UBR4: variants seen among roughly 807,000 people sequenced by gnomAD.
UBR4 encodes the protein E3 ubiquitin-protein ligase UBR4.
Under a neutral mutation model 575.6 loss-of-function variants are expected in UBR4, and 124 were observed. That is an observed-to-expected ratio of 0.22 (90% CI 0.19 to 0.25). The LOEUF is 0.25. Among genes scored for constraint, UBR4 ranks in the 10% least tolerant of loss-of-function variants. The pLI is 1.00. For missense variants in UBR4, 4,818 were observed against 6,478.8 expected, an observed-to-expected ratio of 0.74 and a Z score of 8.80; for synonymous variants, 2,455 against 2,473.7, an observed-to-expected ratio of 0.99 and a Z score of 0.22.
At chr1:19,151,082 A>C in intron 48 of UBR4, 2 of 458,866 alleles carry the variant, frequency 4.4e-6, no homozygotes, top group East Asian at 4.0e-5. Flanking sequence ...CCTACCCCTC[A>C]CTCCCAGGGG....
In UBR4 at chr1:19,198,001, T is replaced by C. The variant is rs2092560243; in HGVS notation, c.697A>G (p.Ile233Val). Residue 233 changes from isoleucine (I) to valine (V), a missense_variant, in exon 6 of 106, where the codon ATC (isoleucine) becomes GTC (valine). This residue lies in a region of UBR4 where 83 missense variants were observed against 77.3 expected (regional missense o/e 1.07). Coordinates refer to ENST00000375254, the MANE Select transcript of UBR4 (RefSeq NM_020765.3). ...GCTATGAACACATTCTTGGTTTTGA[T>C]AGCTGAGGCTTGATCTGTAGATGAC... ...EQSSTDQASA[I>V]KTKNVFIAQN... 1.9e-6 allele frequency: 3 copies of C among 1,614,176 alleles called. No individual in the cohort carries two copies. The highest frequency in any genetic ancestry group is 1.3e-5 in the African/African-American group (1 of 75,046).
Position 19,093,215 on chromosome 1 carries a change from G to C in UBR4, c.14111+98C>G. On this transcript the variant is annotated intron_variant, in intron 96 of 105. Transcript: ENST00000375254. The surrounding 1 kb of genome is among the most constrained non-coding windows in gnomAD (Gnocchi z 4.8). Reference sequence around the variant, plus strand: ...GGTTGGGAGGCCCCAAGGAGGGCAAGGGGCACACGTGAAGCTTTATGCCAA... The same window carrying C: ...GGTTGGGAGGCCCCAAGGAGGGCAACGGGCACACGTGAAGCTTTATGCCAA... 1 of 1,468,138 alleles carries C rather than the reference G, an allele frequency of 6.8e-7. No homozygotes were observed. The highest frequency in any genetic ancestry group is 1.3e-5 in the South Asian group (1 of 76,046). 90.9% of individuals were successfully genotyped at this position (1,468,138 alleles called of 1,614,324 possible).
Position 19,138,155 on chromosome 1 carries a change from C to T in UBR4, c.8758G>A (p.Asp2920Asn). 3 of 1,573,486 alleles carry T rather than the reference C, an allele frequency of 1.9e-6. No individual in the cohort carries two copies. The highest frequency in any genetic ancestry group is 2.6e-6 in the Non-Finnish European group (3 of 1,155,582). The change falls in exon 60 of 106, where the codon GAT (aspartate) becomes AAT (asparagine). Residue 2920 changes from aspartate to asparagine, a missense_variant. Transcript: ENST00000375254. ...GCCGGATGCCCCTCAGCTGTAGCAT[C>T]GCCATAAGCACTGCTCCGGCCAGAT... ...SVSGRSSAYG[D>N]ATAEGHPAGP...
At chr1:19,166,552 C>A (rs773947351) in intron 29 of UBR4, among the ~76,000 whole-genome samples, 3 of 151,862 alleles carry the variant, frequency 2.0e-5, no homozygotes, top group Non-Finnish European at 2.9e-5. Flanking sequence ...AGAATGCACA[C>A]AAGTACAGAA....
chr1:19,085,794 G>A (rs1309091333), intron 101 of UBR4, among the ~76,000 whole-genome samples: 1 of 152,166 alleles, frequency 6.6e-6, no homozygotes, highest in Non-Finnish European at 1.5e-5. Context: ...GCCACACACT[G>A]TAGAAGTGAA....
At chr1:19,081,324 G>A (rs2076484843) in intron 103 of UBR4, 25 bp downstream of exon 103, 4 of 1,544,042 alleles carry the variant, frequency 2.6e-6, no homozygotes, top group Non-Finnish European at 1.7e-6. Flanking sequence ...ATAGTGAGCA[G>A]CAGCTTCCGG....
chr1:19,081,609 G>A (rs200570306), intron 102 of UBR4, 36 bp from the exon 103 acceptor site: 429 of 1,610,162 alleles, frequency 2.7e-4, no homozygotes, highest in Middle Eastern at 5.0e-4. Flanking sequence ...TAAAAGCAGG[G>A]TGGAAGCAGG....
In UBR4 at chr1:19,184,194, A is replaced by C; in HGVS notation, c.1939-19T>G. The C allele has an allele frequency of 6.2e-7, 1 of 1,611,182 alleles. No individual in the cohort carries two copies. The highest frequency in any genetic ancestry group is 8.5e-7 in the Non-Finnish European group (1 of 1,178,912). On this transcript the variant is annotated intron_variant, in intron 15 of 105. Coordinates refer to ENST00000375254, the MANE Select transcript of UBR4 (RefSeq NM_020765.3). ...CTAAGAACTGAAAGGAACACACACA[A>C]AAAAGCTCTTATCAGGGTCATAAGC...
rs554197080 is a variant in UBR4, at chr1:19,105,286, GCTGT to G, written c.12504-101_12504-98del. Reference sequence around the variant, plus strand: ...CTCCTCCCAATCTTTCCTATCTTCTGCTGTCTGTCTCTCCTGCTTCCTAGAGGGT... The same window carrying G: ...CTCCTCCCAATCTTTCCTATCTTCTGCTGTCTCTCCTGCTTCCTAGAGGGT... On this transcript the variant is annotated intron_variant, in intron 84 of 105. Transcript: ENST00000375254. 152 of 1,402,194 alleles carry G rather than the reference GCTGT, an allele frequency of 1.1e-4. No individual in the cohort carries two copies. The African/African-American group carries it at 1.9e-3, about 18-fold the overall frequency. The allele number at this position is 1,402,194 out of a possible 1,614,324, so 86.9% of individuals were successfully genotyped here. A position where few individuals can be genotyped will look rare whatever the true frequency, so the allele number is the denominator to read the frequency against.
intron 7 of UBR4, 138 bp downstream of exon 7, chr1:19,197,532 G>A (rs1405268215): frequency 1.6e-6 from 2 of 1,266,596 alleles, no homozygotes; most frequent in Non-Finnish European, 2.2e-6. Flanking sequence ...AGGAGGCTGA[G>A]GTGGGAGAAC....
intron 34 of UBR4, among the ~76,000 whole-genome samples, chr1:19,163,275 T>C: frequency 6.6e-6 from 1 of 152,250 alleles, no homozygotes; most frequent in Non-Finnish European, 1.5e-5. Flanking sequence ...CTATGCCAGT[T>C]CATGGGTTGG....
At chr1:19,125,922 C>G (rs1427301676) in intron 64 of UBR4, among the ~76,000 whole-genome samples, 14 of 152,136 alleles carry the variant, frequency 9.2e-5, no homozygotes, top group Admixed American at 9.2e-4. Flanking sequence ...TCACAACAGC[C>G]CTGTAAAGCA....
chr1:19,201,294 T>A (rs775829282), intron 2 of UBR4, among the ~76,000 whole-genome samples: 1 of 152,174 alleles, frequency 6.6e-6, no homozygotes, highest in African/African-American at 2.4e-5. Context: ...TCCCTTCATA[T>A]ACCAGAGAAC....
intron 101 of UBR4, 33 bp from the exon 102 acceptor site, chr1:19,084,731 AG>A: frequency 6.4e-7 from 1 of 1,570,192 alleles, no homozygotes; most frequent in Non-Finnish European, 8.7e-7. Flanking sequence ...ATGAAATGGA[AG>A]TGAGTTCCTG....
At chr1:19,079,519 C>T (rs2076278815) in intron 103 of UBR4, 1 of 152,234 alleles carries the variant, frequency 6.6e-6, no homozygotes. Flanking sequence ...AAGTTCCTGG[C>T]AGAGGAACTT....
At chr1:19,144,186 C>T (rs1254841590) in intron 54 of UBR4, 95 bp from the exon 55 acceptor site, 2 of 1,108,540 alleles carry the variant, frequency 1.8e-6, no homozygotes, top group Non-Finnish European at 2.7e-6. Context: ...CACTCACATG[C>T]AAGTGGAATA....
chr1:19,102,593 G>A (rs1335802467), intron 87 of UBR4, among the ~76,000 whole-genome samples: 1 of 152,108 alleles, frequency 6.6e-6, no homozygotes, highest in Non-Finnish European at 1.5e-5. Flanking sequence ...TCAGTGAACT[G>A]CCACACTAAC....
intron 90 of UBR4, 96 bp from the exon 91 acceptor site, chr1:19,097,376 G>A: frequency 1.0e-6 from 1 of 962,650 alleles, no homozygotes; most frequent in Admixed American, 3.4e-5. Context: ...CAGCAATGTG[G>A]AGAGCCTCTA....
rs2149406573 is a variant in UBR4 at position 19,117,196 on chromosome 1, C to A, written c.10823+25G>T. 6.2e-7 allele frequency: 1 copy of A among 1,607,374 alleles called. No homozygotes were observed. The highest frequency in any genetic ancestry group is 8.5e-7 in the Non-Finnish European group (1 of 1,175,406). On this transcript the variant is annotated intron_variant, in intron 73 of 105. Transcript: ENST00000375254. The surrounding 1 kb of genome is among the most constrained non-coding windows in gnomAD (Gnocchi z 4.0). ...GCTTCAGCCTTACAACCTGCTGCCC[C>A]TCCCGAGGCCTAAAAAGCCCGTACT...
Sources: gnomAD v4.1 joint callset for allele counts (sites outside exome capture counted in the v4.1 genomes callset) on GRCh38, gnomAD v4.1.1 for gene constraint, gnomAD v4.1.1 regional missense constraint, Gnocchi (gnomAD v3.1) non-coding constraint, MANE v1.5 for transcripts, NCBI Gene and HGNC (gene_info 2026-07-23, HGNC 2026-07-21) for gene names.